SNX29: variants seen among roughly 807,000 people sequenced by gnomAD.
SNX29 encodes sorting nexin-29.
In SNX29, 78 loss-of-function variants were observed where a neutral mutation model predicts 102.1. The observed-to-expected ratio is 0.76, with a 90% confidence interval of 0.64 to 0.92. The LOEUF is 0.92. SNX29 is among the 40% of genes least tolerant of loss of function. The pLI is 0.00. For missense variants in SNX29, 1,280 were observed against 1,061.7 expected (o/e 1.21, Z -2.86); for synonymous variants, 580 against 414.5 (o/e 1.40, Z -4.85).
At chr16:12,402,480 C>A (rs930636103) in intron 17 of SNX29, among the ~76,000 whole-genome samples, 2 of 152,214 alleles carry the variant, frequency 1.3e-5, no homozygotes, top group South Asian at 4.1e-4. Context: ...GACCTTACAG[C>A]CCTTCCAGAA....
chr16:12,537,295 T>G (rs1441806750), intron 20 of SNX29, among the ~76,000 whole-genome samples: 1 of 152,198 alleles, frequency 6.6e-6, no homozygotes, highest in Non-Finnish European at 1.5e-5. Flanking sequence ...TGGTACATGT[T>G]TGGATTTTAG....
intron 16 of SNX29, among the ~76,000 whole-genome samples, chr16:12,394,089 A>G (rs1258862919): frequency 6.6e-6 from 1 of 152,208 alleles, no homozygotes; most frequent in Non-Finnish European, 1.5e-5. Flanking sequence ...AAAGCCTCCT[A>G]AGTCTTCCTG....
chr16:12,144,358 C>G (rs2054974048), intron 13 of SNX29, among the ~76,000 whole-genome samples: 1 of 152,178 alleles, frequency 6.6e-6, no homozygotes, highest in Admixed American at 6.5e-5. Flanking sequence ...AAACCATAAA[C>G]AACATGTAGG....
intron 19 of SNX29, among the ~76,000 whole-genome samples, chr16:12,503,680 C>T (rs1334302865): frequency 6.6e-6 from 1 of 152,158 alleles, no homozygotes; most frequent in Admixed American, 6.5e-5. Flanking sequence ...CCTTCTTTCC[C>T]TCCTTCCCTC....
In SNX29 at chr16:12,070,971, C is replaced by G. The variant is rs1189195964; in HGVS notation, c.1319+1839C>G. Reference sequence around the variant, plus strand: ...TGTCTTTTGGCTGCATAAATGTCTTCTTTTGAGAAGTGTCTGTTCATATCC... The same window carrying G: ...TGTCTTTTGGCTGCATAAATGTCTTGTTTTGAGAAGTGTCTGTTCATATCC... On this transcript the variant is annotated intron_variant, in intron 10 of 20. Coordinates refer to ENST00000566228, the MANE Select transcript of SNX29 (RefSeq NM_032167.5). Among the ~76,000 whole-genome samples, 4 of 152,060 alleles carry G rather than the reference C, an allele frequency of 2.6e-5. No homozygotes were observed. In the East Asian group the frequency reaches 7.7e-4, roughly 29 times the overall value.
chr16:12,156,595 G>C (rs1300897052), intron 13 of SNX29, among the ~76,000 whole-genome samples: 1 of 152,226 alleles, frequency 6.6e-6, no homozygotes, highest in East Asian at 1.9e-4. Context: ...TGGGGCTCTG[G>C]TGTGCAGGAA....
chr16:12,540,837 T>C (rs1448446497), intron 20 of SNX29, among the ~76,000 whole-genome samples: 2 of 152,154 alleles, frequency 1.3e-5, no homozygotes, highest in Non-Finnish European at 2.9e-5. Context: ...AGAAACAAGA[T>C]CGCCTCCACC....
At chr16:12,014,400 T>C (rs1217167569) in intron 3 of SNX29, among the ~76,000 whole-genome samples, 2 of 152,054 alleles carry the variant, frequency 1.3e-5, no homozygotes, top group South Asian at 2.1e-4. Context: ...GATCTGTCTA[T>C]ACCAGGGAGG....
chr16:12,270,353 A>G (rs1567379859), intron 14 of SNX29, among the ~76,000 whole-genome samples: 6 of 152,136 alleles, frequency 3.9e-5, no homozygotes. Flanking sequence ...TGGTGTTGTC[A>G]TCTGTTATTT....
Position 12,027,389 on chromosome 16 carries a change from A to T in SNX29, c.192A>T (p.Ala64=). Residue 64 remains alanine (A), a synonymous_variant, in exon 4 of 21, where the codon GCA becomes GCT. Coordinates refer to ENST00000566228, the MANE Select transcript of SNX29 (RefSeq NM_032167.5). ...QHGLKRSRGL[A]LTAAAIKQAA... ...GCTTGAAGAGGAGTCGAGGATTGGC[A>T]CTCACAGCGGCAGCGATCAAGCAGG... 5 of 1,614,080 alleles carry T rather than the reference A, an allele frequency of 3.1e-6. No individual in the cohort carries two copies. The highest frequency in any genetic ancestry group is 4.2e-6 in the Non-Finnish European group (5 of 1,180,000).
intron 16 of SNX29, among the ~76,000 whole-genome samples, chr16:12,384,309 G>C (rs1209575227): frequency 6.6e-6 from 1 of 152,156 alleles, no homozygotes; most frequent in African/African-American, 2.4e-5. Context: ...TTTCTCCACA[G>C]TGGTTGTGTG....
chr16:12,523,536 A>T (rs1435096476), intron 19 of SNX29, among the ~76,000 whole-genome samples: 1 of 152,198 alleles, frequency 6.6e-6, no homozygotes, highest in Non-Finnish European at 1.5e-5. Flanking sequence ...ACGGAGCAGG[A>T]TTGGCTATGG....
intron 18 of SNX29, among the ~76,000 whole-genome samples, 186 bp downstream of exon 18, chr16:12,403,715 G>C (rs952499359): frequency 6.6e-6 from 1 of 152,178 alleles, no homozygotes; most frequent in Non-Finnish European, 1.5e-5. Flanking sequence ...TTGGGCAGGG[G>C]GATACGGTGG....
In SNX29 at chr16:12,573,660, C is replaced by T. The variant is rs935586333; in HGVS notation, c.*5031C>T. The stretch of plus-strand genomic sequence containing the variant: ...AGGGGAACCACCACTCATTCACTGT[C>T]AGTGTAGGTAAGACAGAGGATGCCC... On this transcript the variant is annotated 3_prime_UTR_variant, in exon 21 of 21. Coordinates refer to ENST00000566228, the MANE Select transcript of SNX29 (RefSeq NM_032167.5). 4.5e-6 allele frequency: 1 copy of T among 222,476 alleles called. No individual in the cohort carries two copies. The highest frequency in any genetic ancestry group is 2.2e-5 in the African/African-American group (1 of 44,744). The allele number at this position is 222,476 out of a possible 1,614,324, so 13.8% of individuals were successfully genotyped here.
chr16:12,403,238 GTGTGTGTGTGTGTGTGT>G (rs1567527921), intron 17 of SNX29, among the ~76,000 whole-genome samples, 193 bp from the exon 18 acceptor site: 46 of 146,504 alleles, frequency 3.1e-4, no homozygotes, highest in Non-Finnish European at 5.5e-4. Flanking sequence ...GTGTGTGTGT[GTGTGTGTGTGTGTGTGT>G]AGAGAGAGAC....
intron 13 of SNX29, chr16:12,135,592 G>A: frequency 7.5e-7 from 1 of 1,341,724 alleles, no homozygotes; most frequent in Non-Finnish European, 9.8e-7. Context: ...CCCCACGTGA[G>A]AACCATGTGG....
At chr16:12,494,823 C>G (rs1272418348) in intron 19 of SNX29, among the ~76,000 whole-genome samples, 1 of 152,188 alleles carries the variant, frequency 6.6e-6, no homozygotes, top group Non-Finnish European at 1.5e-5. Context: ...CTTAGCTCTC[C>G]GCTGTGAGCT....
intron 18 of SNX29, among the ~76,000 whole-genome samples, chr16:12,461,978 A>AAAAAAAAT (rs1555544501): frequency 3.7e-5 from 1 of 27,354 alleles, no homozygotes; most frequent in African/African-American, 1.4e-4. Flanking sequence ...AAAAAAAAAA[A>AAAAAAAAT]ATATATATAT....
chr16:12,155,536 T>A (rs1034142904), intron 13 of SNX29, among the ~76,000 whole-genome samples: 4 of 152,138 alleles, frequency 2.6e-5, no homozygotes, highest in Non-Finnish European at 5.9e-5. Flanking sequence ...GGCAATGATG[T>A]TTTCATTAGA....
Sources: gnomAD v4.1 joint callset for allele counts (sites outside exome capture counted in the v4.1 genomes callset) on GRCh38, gnomAD v4.1.1 for gene constraint, MANE v1.5 for transcripts, NCBI Gene and HGNC (gene_info 2026-07-23, HGNC 2026-07-21) for gene names.